The following PCCA variants were observed in gnomAD, a reference collection of about 807,000 sequenced individuals.
PCCA encodes the protein propionyl-CoA carboxylase subunit alpha.
In PCCA, 74 loss-of-function variants were observed where a neutral mutation model predicts 101.3. The ratio of observed to expected loss-of-function variants is 0.73; its 90% CI spans 0.61 to 0.89. The LOEUF (loss-of-function observed/expected upper bound fraction) is 0.89, where lower values mean the gene tolerates loss of function less well. PCCA is among the 40% of genes least tolerant of loss of function. The probability of loss-of-function intolerance (pLI) is 0.00; values close to 1 mark genes in which losing one functional copy is unlikely to be tolerated. For missense variants in PCCA, 891 were observed against 907.0 expected (o/e 0.98, Z 0.23); for synonymous variants, 294 against 313.6 (o/e 0.94, Z 0.66).
At chr13:100,496,226 C>G (rs1452503582) in intron 21 of PCCA, among the ~76,000 whole-genome samples, 3 of 152,166 alleles carry the variant, frequency 2.0e-5, no homozygotes, top group Admixed American at 1.3e-4. Flanking sequence ...AAATTGTTGC[C>G]AGTTTACTCA....
intron 22 of PCCA, among the ~76,000 whole-genome samples, chr13:100,518,830 G>A (rs1279692756): frequency 6.6e-6 from 1 of 152,168 alleles, no homozygotes; most frequent in African/African-American, 2.4e-5. Context: ...TAAACTGGGA[G>A]CACTTCTGTA....
chr13:100,134,638 G>A (rs2050928193), intron 4 of PCCA, among the ~76,000 whole-genome samples: 1 of 151,834 alleles, frequency 6.6e-6, no homozygotes, highest in African/African-American at 2.4e-5. Flanking sequence ...CTCACTGTAG[G>A]CTTGACCACC....
intron 21 of PCCA, among the ~76,000 whole-genome samples, chr13:100,473,844 C>G (rs1226021469): frequency 6.6e-6 from 1 of 152,258 alleles, no homozygotes; most frequent in African/African-American, 2.4e-5. Context: ...GGAGACATCT[C>G]TGGCTTATCG....
rs2054497010 is a variant in PCCA, at chr13:100,161,723, AT to A, written c.468+4384del. 3 of 152,210 alleles carry A rather than the reference AT, an allele frequency of 2.0e-5. No individual in the cohort carries two copies. The South Asian group carries it at 6.2e-4, about 32-fold the overall frequency. 9.4% of individuals were successfully genotyped at this position (152,210 alleles called of 1,614,324 possible). A position where few individuals can be genotyped will look rare whatever the true frequency, so the allele number is the denominator to read the frequency against. ...AGACCTTGCAAGCCCAGGGTTGTTT[AT>A]AACTCTTATTTTCACTATATGGGCT... On this transcript the variant is annotated intron_variant, in intron 6 of 23. Transcript: ENST00000376285.
chr13:100,213,075 T>G (rs1396503061), intron 7 of PCCA, among the ~76,000 whole-genome samples: 1 of 152,188 alleles, frequency 6.6e-6, no homozygotes, highest in Non-Finnish European at 1.5e-5. Flanking sequence ...ACCTCATTCT[T>G]TTTGGTGGCT....
At chr13:100,528,260 A>AAACTT (rs1244377482) in intron 23 of PCCA, among the ~76,000 whole-genome samples, 1 of 152,254 alleles carries the variant, frequency 6.6e-6, no homozygotes, top group Non-Finnish European at 1.5e-5. Context: ...ATTCATAGTG[A>AAACTT]AACTTAAGTG....
chr13:100,141,688 CA>C (rs2051891463), intron 4 of PCCA, among the ~76,000 whole-genome samples: 1 of 152,196 alleles, frequency 6.6e-6, no homozygotes, highest in African/African-American at 2.4e-5. Flanking sequence ...GCTAAGTTTA[CA>C]GGCGTGAACC....
At chr13:100,089,276 G>T (rs1244667335) in intron 1 of PCCA, 51 bp downstream of exon 1, 1 of 1,407,886 alleles carries the variant, frequency 7.1e-7, no homozygotes, top group Admixed American at 2.9e-5. Flanking sequence ...GCTTCTAGCC[G>T]TGCCGCCTCT....
At chr13:100,425,581 A>G (rs2079084455) in intron 19 of PCCA, 52 bp from the exon 20 acceptor site, 2 of 1,228,076 alleles carry the variant, frequency 1.6e-6, no homozygotes, top group African/African-American at 3.0e-5. Flanking sequence ...TGAACTTGAG[A>G]TCAGTTTTCT....
At chr13:100,382,066 C>T (rs2076259535) in intron 19 of PCCA, among the ~76,000 whole-genome samples, 2 of 152,310 alleles carry the variant, frequency 1.3e-5, no homozygotes, top group South Asian at 4.1e-4. Flanking sequence ...CCTCCACCAG[C>T]GAGGGCAAAG....
At chr13:100,268,015 T>G (rs1021272207) in intron 10 of PCCA, among the ~76,000 whole-genome samples, 1 of 152,242 alleles carries the variant, frequency 6.6e-6, no homozygotes, top group African/African-American at 2.4e-5. Flanking sequence ...TATTTGCATT[T>G]ATACCTGCTG....
At chr13:100,252,958 T>G (rs1310009028) in intron 8 of PCCA, among the ~76,000 whole-genome samples, 2 of 152,154 alleles carry the variant, frequency 1.3e-5, no homozygotes. Flanking sequence ...TCCAACTTGT[T>G]CCTTCTGTCT....
At chr13:100,205,301 C>G (rs929781075) in intron 6 of PCCA, among the ~76,000 whole-genome samples, 1 of 152,190 alleles carries the variant, frequency 6.6e-6, no homozygotes, top group African/African-American at 2.4e-5. Context: ...TTACCATACT[C>G]TCTTATCCTG....
rs984112724 is a variant in PCCA at position 100,381,388 on chromosome 13, C to CAAA, written c.1746+12830_1746+12832dup. Among the ~76,000 whole-genome samples the CAAA allele has an allele frequency of 1.7e-3, 103 of 61,430 alleles. 3 individuals are homozygous for CAAA. In the South Asian group the frequency reaches 0.051, roughly 31 times the overall value. The allele number at this position is 61,430 out of a possible 152,430, so 40.3% of individuals were successfully genotyped here. On this transcript the variant is annotated intron_variant, in intron 19 of 23. Transcript: ENST00000376285. Reference sequence around the variant, plus strand: ...TGGGCGATAGAGCGAGACTCCGTCTCAAAAAAAAAAAAAAAAAAGTGTTGG... The same window carrying CAAA: ...TGGGCGATAGAGCGAGACTCCGTCTCAAAAAAAAAAAAAAAAAAAAAGTGTTGG...
Position 100,179,001 on chromosome 13 carries a change from C to T in PCCA, c.468+21661C>T, listed in dbSNP as rs189453642. Among the ~76,000 whole-genome samples, 326 of 150,116 alleles carry T rather than the reference C, an allele frequency of 2.2e-3. 3 individuals carry two copies. Among genetic ancestry groups the T allele is most frequent in the African/African-American group, 7.7e-3 (314 of 40,852 alleles). Reference sequence around the variant, plus strand: ...CTGAGGCAGGAGAATGGCATGAACCCGGGAGGTGGAGCTTGCAGTGAGCCG... The same window carrying T: ...CTGAGGCAGGAGAATGGCATGAACCTGGGAGGTGGAGCTTGCAGTGAGCCG... On this transcript the variant is annotated intron_variant, in intron 6 of 23. Coordinates refer to ENST00000376285, the MANE Select transcript of PCCA (RefSeq NM_000282.4).
chr13:100,150,728 TCAC>T (rs2053209107), intron 4 of PCCA: 2 of 1,584,668 alleles, frequency 1.3e-6, no homozygotes, highest in African/African-American at 1.3e-5. Context: ...TGTGGAATCT[TCAC>T]CAACCCAGTA....
intron 8 of PCCA, among the ~76,000 whole-genome samples, chr13:100,241,834 G>T (rs1175782193): frequency 2.6e-5 from 4 of 152,102 alleles, no homozygotes; most frequent in African/African-American, 9.7e-5. Flanking sequence ...AAATGGTACT[G>T]CTATGAACAT....
At chr13:100,093,500 T>C (rs1395328912) in intron 1 of PCCA, among the ~76,000 whole-genome samples, 2 of 152,174 alleles carry the variant, frequency 1.3e-5, no homozygotes, top group African/African-American at 4.8e-5. Flanking sequence ...AGCTCTTTAC[T>C]CAGAAAGTGT....
At chr13:100,400,620 C>CTTTT (rs1380536807) in intron 19 of PCCA, among the ~76,000 whole-genome samples, 1 of 61,950 alleles carries the variant, frequency 1.6e-5, no homozygotes. Flanking sequence ...GATCTTAGTT[C>CTTTT]TTTTTAGTTC....
Sources: allele counts gnomAD v4.1 joint callset (sites outside exome capture counted in the v4.1 genomes callset), GRCh38; gene constraint gnomAD v4.1.1; transcripts MANE v1.5; gene names NCBI Gene and HGNC (gene_info 2026-07-23, HGNC 2026-07-21).